C12orf42: variants seen among roughly 807,000 people sequenced by gnomAD.
The protein encoded by C12orf42 is uncharacterized protein C12orf42.
C12orf42 carries 25 observed loss-of-function variants against 21.6 expected under a neutral mutation model. The observed-to-expected ratio is 1.16, with a 90% CI of 0.84 to 1.62. C12orf42 has a LOEUF of 1.62. C12orf42 is among the 40% of genes most tolerant of loss of function. The probability of loss-of-function intolerance (pLI) is 0.00; values close to 1 mark genes in which losing one functional copy is unlikely to be tolerated. For missense variants in C12orf42, 483 were observed against 459.3 expected, an observed-to-expected ratio of 1.05 and a Z score of -0.47; for synonymous variants, 174 against 175.0, an observed-to-expected ratio of 0.99 and a Z score of 0.05.
At chr12:103,387,589 T>C (rs1200279931) in intron 3 of C12orf42, among the ~76,000 whole-genome samples, 1 of 152,244 alleles carries the variant, frequency 6.6e-6, no homozygotes, top group Non-Finnish European at 1.5e-5. Context: ...CAACCAGGGA[T>C]GGCGGTTGCA....
At chr12:103,180,952 A>G in the C12orf42 span, among the ~76,000 whole-genome samples, 1 of 151,982 alleles carries the variant, frequency 6.6e-6, no homozygotes, top group African/African-American at 2.4e-5. Flanking sequence ...TTATACTTTG[A>G]CCTAACTAAT....
chr12:103,212,458 C>T, the C12orf42 span, among the ~76,000 whole-genome samples: 2 of 152,110 alleles, frequency 1.3e-5, no homozygotes, highest in Non-Finnish European at 2.9e-5. Context: ...TTGCTAACTA[C>T]ATCTCTCTGG....
At chr12:103,120,292 T>A in the C12orf42 span, among the ~76,000 whole-genome samples, 1 of 152,172 alleles carries the variant, frequency 6.6e-6, no homozygotes. Context: ...CTGGGAGAGA[T>A]AATTACTTCT....
At chr12:103,268,855 A>G (rs972561363) in exon 7 of C12orf42, 1 of 152,182 alleles carries the variant, frequency 6.6e-6, no homozygotes, top group African/African-American at 2.4e-5. Context: ...TATCATGGAT[A>G]ACTCTCTTTT....
chr12:103,497,369 T>C (rs781518981), upstream of C12orf42, among the ~76,000 whole-genome samples: 11 of 152,202 alleles, frequency 7.2e-5, no homozygotes, highest in African/African-American at 9.7e-5. Context: ...CCTAAATACA[T>C]AGAATCATGG....
intron 4 of C12orf42, among the ~76,000 whole-genome samples, chr12:103,353,425 G>A (rs181485035): frequency 2.0e-4 from 30 of 152,176 alleles, no homozygotes; most frequent in African/African-American, 6.7e-4. Context: ...AAACTTGCAT[G>A]TTTTGATCCA....
At chr12:103,466,405 T>C (rs1953132395) in intron 2 of C12orf42, among the ~76,000 whole-genome samples, 1 of 152,174 alleles carries the variant, frequency 6.6e-6, no homozygotes, top group Non-Finnish European at 1.5e-5. Flanking sequence ...AGATACTACT[T>C]ACTGATCCAT....
chr12:103,364,473 A>G (rs2044411167), intron 4 of C12orf42, among the ~76,000 whole-genome samples: 2 of 152,036 alleles, frequency 1.3e-5, no homozygotes, highest in East Asian at 1.9e-4. Context: ...ACCCAGCAGA[A>G]AAAAGGAAAT....
chr12:103,212,016 C>A, the C12orf42 span, among the ~76,000 whole-genome samples: 13 of 152,152 alleles, frequency 8.5e-5, no homozygotes, highest in African/African-American at 3.1e-4. Context: ...AAGTTTTCTT[C>A]TAGAACTTTA....
chr12:103,238,081 G>A (rs1457235150), intron 10 of C12orf42, among the ~76,000 whole-genome samples: 1 of 152,122 alleles, frequency 6.6e-6, no homozygotes, highest in African/African-American at 2.4e-5. Context: ...GTAGAGTATG[G>A]AGGGACATGG....
the C12orf42 span, among the ~76,000 whole-genome samples, chr12:103,562,110 C>T: frequency 6.6e-6 from 1 of 152,230 alleles, no homozygotes; most frequent in East Asian, 1.9e-4. Context: ...ATTATTCTAA[C>T]AGTTCCTTTC....
In C12orf42 at chr12:103,293,793, C is replaced by A. The variant is rs140524640; in HGVS notation, n.338-16583G>T. ...GTCTTCATTGAAATACAGGAGTATT[C>A]CCCAGAGTGAGAATACTCATGTGTT... On this transcript the variant is annotated intron_variant and non_coding_transcript_variant, in intron 4 of 6. Coordinates refer to the C12orf42 transcript ENST00000546526. 2.8e-3 allele frequency among the ~76,000 whole-genome samples: 422 copies of A among 152,192 alleles called. 1 individual carries two copies. Among genetic ancestry groups the A allele is most frequent in the African/African-American group, 9.3e-3 (386 of 41,538 alleles).
At chr12:103,499,140 A>G (rs2138278221), upstream of C12orf42, among the ~76,000 whole-genome samples, 1 of 152,262 alleles carries the variant, frequency 6.6e-6, no homozygotes, top group South Asian at 2.1e-4. Flanking sequence ...TGTTAGTCAA[A>G]GGGGATAAAC....
chr12:103,487,784 T>C (rs971671337), intron 1 of C12orf42, among the ~76,000 whole-genome samples: 9 of 151,936 alleles, frequency 5.9e-5, no homozygotes, highest in Non-Finnish European at 1.3e-4. Context: ...CAACCCCTCC[T>C]TTTTTTTGCT....
At chr12:103,548,806 C>T in the C12orf42 span, 1 of 152,192 alleles carries the variant, frequency 6.6e-6, no homozygotes, top group African/African-American at 2.4e-5. Flanking sequence ...GGCTTATGTT[C>T]TACTGCCACC....
intron 10 of C12orf42, among the ~76,000 whole-genome samples, chr12:103,250,056 CATCTATCTATCTATCTATCT>C (rs3063670): frequency 0.02 from 3,004 of 148,172 alleles, 99 homozygotes; most frequent in African/African-American, 0.067. Flanking sequence ...AAATCAAAGA[CATCTATCTATCTATCTATCT>C]ATCTATCTAT....
Position 103,478,357 on chromosome 12 carries a change from T to A in C12orf42, c.70A>T (p.Arg24Trp). 1 of 1,598,714 alleles carries A rather than the reference T, an allele frequency of 6.3e-7. No individual in the cohort carries two copies. Among genetic ancestry groups the A allele is most frequent in the South Asian group, 1.1e-5 (1 of 89,172 alleles). ...TATCTCTTATGCATTACCTGCATCCTGTTTGCAAAAGGTCTGATGGTTAGC... is the reference window on the plus strand; with the variant it reads ...TATCTCTTATGCATTACCTGCATCCAGTTTGCAAAAGGTCTGATGGTTAGC... ...FLLTIRPFAN[R>W]MQKSPCYIPI... The change falls in exon 2 of 6, where the codon AGG becomes TGG. Residue 24 changes from arginine to tryptophan, a missense_variant. By Grantham distance (101) the Arg-to-Trp change is moderately radical. Coordinates refer to ENST00000548883, the MANE Select transcript of C12orf42 (RefSeq NM_198521.5).
chr12:103,186,983 A>G, the C12orf42 span, among the ~76,000 whole-genome samples: 1 of 152,180 alleles, frequency 6.6e-6, no homozygotes, highest in Non-Finnish European at 1.5e-5. Context: ...TTTGTTCCAA[A>G]AAAATTTACT....
chr12:103,120,911 T>C, the C12orf42 span, among the ~76,000 whole-genome samples: 2 of 151,974 alleles, frequency 1.3e-5, no homozygotes. Context: ...GGATGATGGT[T>C]TCTAAGTATA....
Sources: gnomAD v4.1 joint callset for allele counts (sites outside exome capture counted in the v4.1 genomes callset) on GRCh38, gnomAD v4.1.1 for gene constraint, MANE v1.5 for transcripts, NCBI Gene and HGNC (gene_info 2026-07-23, HGNC 2026-07-21) for gene names.